The following MARF1 variants were observed in gnomAD, a reference collection of about 807,000 sequenced individuals.
MARF1 encodes the protein limkain-b1.
Under a neutral mutation model 168.2 loss-of-function variants are expected in MARF1, and 24 were observed. The observed-to-expected ratio is 0.14, with a 90% CI of 0.10 to 0.20. MARF1 has a LOEUF of 0.20. Among genes scored for constraint, MARF1 ranks in the 10% least tolerant of loss-of-function variants. The pLI is 1.00. For synonymous variants in MARF1, 868 were observed against 822.4 expected (o/e 1.06, Z -0.95); for missense variants, 1,744 against 2,143.6 (o/e 0.81, Z 3.68).
intron 16 of MARF1, among the ~76,000 whole-genome samples, chr16:15,614,200 C>T (rs1328498213): frequency 1.3e-5 from 2 of 151,910 alleles, no homozygotes; most frequent in African/African-American, 4.8e-5. Flanking sequence ...GACAGAGTTT[C>T]GGCCAGGTGC....
At chr16:15,631,756 CGACA>C (rs1424526847) in intron 5 of MARF1, among the ~76,000 whole-genome samples, 1 of 152,070 alleles carries the variant, frequency 6.6e-6, no homozygotes, top group Non-Finnish European at 1.5e-5. Context: ...CCCCCAACCC[CGACA>C]GACAGACCCC....
chr16:15,600,786 G>T, intron 23 of MARF1, 85 bp from the exon 24 acceptor site: 6 of 1,403,500 alleles, frequency 4.3e-6, no homozygotes, highest in Non-Finnish European at 6.1e-6. Context: ...GACCTACGGA[G>T]CCTGCCTTAG....
Position 15,633,665 on chromosome 16 carries a change from G to T in MARF1, c.1185C>A (p.Asp395Glu). The T allele has an allele frequency of 6.2e-7, 1 of 1,611,804 alleles. No individual in the cohort carries two copies. The highest frequency in any genetic ancestry group is 8.5e-7 in the Non-Finnish European group (1 of 1,179,138). ...HREAEFICVC[D>E]ISKENKEVIQ... is the part of the protein sequence containing the mutation. ...TAACTTCCTTGTTTTCTTTACTGAT[G>T]TCACATACACAGATGAATTCTGCTT... The change falls in exon 5 of 27, where the codon GAC (aspartate) becomes GAA (glutamate). Residue 395 changes from aspartate (D) to glutamate (E), a missense_variant. Physicochemically the swap from Asp to Glu is conservative, Grantham distance 45. This residue lies in a region of MARF1 where 217 missense variants were observed against 372.4 expected (regional missense o/e 0.58). Coordinates refer to ENST00000396368, the MANE Select transcript of MARF1 (RefSeq NM_014647.4).
chr16:15,625,391 G>C lies in MARF1; in HGVS notation c.1934C>G (p.Thr645Arg). The part of the protein sequence containing the change: ...QANSGSATKN[T>R]NVKSLQELCR... The stretch of plus-strand genomic sequence containing the variant: ...AATTACCTGTAAACTTTTAACATTT[G>C]TATTTTTTGTAGCAGATCCAGAATT... Residue 645 changes from threonine to arginine, a missense_variant, in exon 8 of 27, where the codon ACA (threonine) becomes AGA (arginine). Thr to Arg is a moderately conservative substitution (Grantham distance 71, BLOSUM62 -1). This residue lies in a region of MARF1 where 270 missense variants were observed against 260.6 expected (regional missense o/e 1.04). Coordinates refer to ENST00000396368, the MANE Select transcript of MARF1 (RefSeq NM_014647.4). 2 of 1,603,882 alleles carry C rather than the reference G, an allele frequency of 1.2e-6. No homozygotes were observed. The highest frequency in any genetic ancestry group is 1.7e-6 in the Non-Finnish European group (2 of 1,176,068).
intron 7 of MARF1, among the ~76,000 whole-genome samples, chr16:15,627,794 A>G (rs1008298322): frequency 1.3e-5 from 2 of 152,208 alleles, no homozygotes; most frequent in Non-Finnish European, 2.9e-5. Context: ...TCATAAAAGG[A>G]TATTTTGCAC....
At position 15,615,985 on chromosome 16, in the gene MARF1, G is replaced by T; in HGVS notation, c.3098C>A (p.Ala1033Glu). The T allele has an allele frequency of 6.6e-7, 1 of 1,522,292 alleles. No homozygotes were observed. The highest frequency in any genetic ancestry group is 8.8e-7 in the Non-Finnish European group (1 of 1,130,956). The allele number at this position is 1,522,292 out of a possible 1,614,324, so 94.3% of individuals were successfully genotyped here. A position where few individuals can be genotyped will look rare whatever the true frequency, so the allele number is the denominator to read the frequency against. The change falls in exon 16 of 27, where the codon GCA becomes GAA. Residue 1033 changes from alanine to glutamate, a missense_variant. Coordinates refer to ENST00000396368, the MANE Select transcript of MARF1 (RefSeq NM_014647.4). ...PLLSFPDCYI[A>E]EFGDLEVVQE... The stretch of plus-strand genomic sequence containing the variant: ...CACTACTTCTAGATCGCCAAACTCT[G>T]CAATGTAACAATCTGGAAAGCTGAA...
Position 15,609,696 on chromosome 16 carries a change from T to C in MARF1, c.3781A>G (p.Lys1261Glu), listed in dbSNP as rs2033349192. Residue 1261 changes from lysine to glutamate, a missense_variant, in exon 20 of 27, where the codon AAA becomes GAA. This residue lies in a region of MARF1 where 543 missense variants were observed against 742.1 expected (regional missense o/e 0.73). Transcript: ENST00000396368. ...TCAACGACATCCTTGGAGAACTGTT[T>C]TGTCCTTTCTATTTCATCCTGAGTG... ...ERTQDEIERTKQFSKDVVDLL... is the reference protein window; with the variant it reads ...ERTQDEIERTEQFSKDVVDLL... 4 of 1,614,118 alleles carry C rather than the reference T, an allele frequency of 2.5e-6. No individual in the cohort carries two copies. Among genetic ancestry groups the C allele is most frequent in the South Asian group, 1.1e-5 (1 of 91,078 alleles).
At position 15,635,683 on chromosome 16, in the gene MARF1, T is replaced by C. The variant is rs769565189; in HGVS notation, c.804A>G (p.Ser268=). ...NVVPPVCLKG[S]LYCEDCLNKP... ...TGTTTAGACAGTCTTCGCAGTAAAG[T>C]GAGCCCTTTAAACAAACCGGAGGTA... The change falls in exon 3 of 27, where the codon TCA becomes TCG. Residue 268 remains serine (S), a synonymous_variant. Coordinates refer to ENST00000396368, the MANE Select transcript of MARF1 (RefSeq NM_014647.4). 9 of 1,613,998 alleles carry C rather than the reference T, an allele frequency of 5.6e-6. No homozygotes were observed. The South Asian group carries it at 7.7e-5, about 14-fold the overall frequency.
chr16:15,637,760 G>T (rs2151313990), intron 2 of MARF1, among the ~76,000 whole-genome samples: 1 of 152,310 alleles, frequency 6.6e-6, no homozygotes, highest in South Asian at 2.1e-4. Flanking sequence ...ACTGTCAACT[G>T]TCTCTAAAAT....
chr16:15,594,530 G>A lies in MARF1; in HGVS notation c.*2163C>T, dbSNP rs553435828. 4 of 152,572 alleles carry A rather than the reference G, an allele frequency of 2.6e-5. No individual in the cohort carries two copies. Among genetic ancestry groups the A allele is most frequent in the Non-Finnish European group, 4.4e-5 (3 of 68,032 alleles). 9.5% of individuals were successfully genotyped at this position (152,572 alleles called of 1,614,324 possible). The stretch of plus-strand genomic sequence containing the variant: ...CCAAACCCAATCCAAAACAAACAGT[G>A]CAAGATGGGAAAGGGGGTTTTGGTG... On this transcript the variant is annotated 3_prime_UTR_variant, in exon 27 of 27. Coordinates refer to ENST00000396368, the MANE Select transcript of MARF1 (RefSeq NM_014647.4).
intron 18 of MARF1, 79 bp from the exon 19 acceptor site, chr16:15,611,187 T>G (rs2033504488): frequency 1.4e-6 from 2 of 1,418,356 alleles, no homozygotes; most frequent in Admixed American, 1.8e-5. Context: ...GGCCGGGCGC[T>G]GGGGCTCACG....
intron 3 of MARF1, 51 bp downstream of exon 3, chr16:15,635,605 C>T (rs2035538756): frequency 6.7e-7 from 1 of 1,489,576 alleles, no homozygotes; most frequent in Non-Finnish European, 9.3e-7. Flanking sequence ...CTTCAAAAGT[C>T]ATTCCTCAAT....
chr16:15,631,922 T>C (rs915218720), intron 5 of MARF1, among the ~76,000 whole-genome samples: 4 of 152,228 alleles, frequency 2.6e-5, no homozygotes, highest in Admixed American at 2.0e-4. Context: ...GCAAAGGACA[T>C]TATCTCATTC....
At position 15,630,395 on chromosome 16, in the gene MARF1, G is replaced by A. The variant is rs533162405; in HGVS notation, c.1461C>T (p.Asn487=). Residue 487 remains asparagine, a synonymous_variant, in exon 7 of 27, where the codon AAC becomes AAT. Transcript: ENST00000396368. ...TGAACTCTTCAAATCTGATCAGCTC[G>A]TTAGCATGATGCAGCAGTGCTTCTG... is the stretch of plus-strand genomic sequence containing the variant. ...QASEALLHHA[N]ELIRFEEFIS... 28 of 1,613,916 alleles carry A rather than the reference G, an allele frequency of 1.7e-5. No individual in the cohort carries two copies. Among genetic ancestry groups the A allele is most frequent in the South Asian group, 4.4e-5 (4 of 91,046 alleles).
At chr16:15,623,208 T>C (rs2034590461) in intron 10 of MARF1, 85 bp from the exon 11 acceptor site, 4 of 1,029,182 alleles carry the variant, frequency 3.9e-6, no homozygotes, top group East Asian at 6.0e-5. Context: ...TTTGAAACTA[T>C]ATACAGAAGC....
chr16:15,634,625 T>C, intron 4 of MARF1, 132 bp downstream of exon 4: 2 of 773,656 alleles, frequency 2.6e-6, no homozygotes, highest in South Asian at 3.0e-5. Context: ...TACCAAGATA[T>C]GGAATTGGAG....
At chr16:15,601,225 A>G in intron 23 of MARF1, 1 of 377,654 alleles carries the variant, frequency 2.6e-6, no homozygotes, top group Non-Finnish European at 5.2e-6. Flanking sequence ...CACTGATCTC[A>G]GCTCCCAGGC....
intron 12 of MARF1, 21 bp downstream of exon 12, chr16:15,621,712 A>T: frequency 6.3e-6 from 10 of 1,597,756 alleles, no homozygotes; most frequent in Non-Finnish European, 8.5e-6. Flanking sequence ...TCCTGAAATA[A>T]ACAGCTTGCT....
At chr16:15,634,953 AAGG>A (rs766804915) in intron 3 of MARF1, 22 bp from the exon 4 acceptor site, 14 of 1,608,830 alleles carry the variant, frequency 8.7e-6, no homozygotes, top group East Asian at 2.2e-5. Context: ...TTTTTTTAAA[AAGG>A]AGGAGGTGTC....
Sources: allele counts gnomAD v4.1 joint callset (sites outside exome capture counted in the v4.1 genomes callset), GRCh38; gene constraint gnomAD v4.1.1; regional missense constraint gnomAD v4.1.1; transcripts MANE v1.5; gene names NCBI Gene and HGNC (gene_info 2026-07-23, HGNC 2026-07-21).